Variants in ADCY2 observed in about 807,000 individuals in gnomAD.
ADCY2 encodes adenylate cyclase 2, also known as adenylate cyclase type 2.
In ADCY2, 31 loss-of-function variants were observed where a neutral mutation model predicts 125.2. The ratio of observed to expected loss-of-function variants is 0.25; its 90% CI spans 0.19 to 0.33. ADCY2 has a LOEUF of 0.33. Among genes scored for constraint, ADCY2 ranks in the 10% least tolerant of loss-of-function variants. The pLI, the probability that ADCY2 is intolerant of heterozygous loss-of-function variation, is 1.00. For missense variants in ADCY2, 904 were observed against 1,418.2 expected, an observed-to-expected ratio of 0.64 and a Z score of 5.82; for synonymous variants, 512 against 548.4, an observed-to-expected ratio of 0.93 and a Z score of 0.93.
At chr5:7,557,182 T>TATATGTGATATATAGA (rs56204377) in intron 3 of ADCY2, among the ~76,000 whole-genome samples, 5 of 144,926 alleles carry the variant, frequency 3.5e-5, no homozygotes, top group Admixed American at 2.0e-4. Context: ...ATCACACATA[T>TATATGTGATATATAGA]TATATATGTG....
At chr5:7,433,698 T>C (rs984701384) in intron 2 of ADCY2, among the ~76,000 whole-genome samples, 1 of 152,050 alleles carries the variant, frequency 6.6e-6, no homozygotes, top group African/African-American at 2.4e-5. Flanking sequence ...AATAATAGAA[T>C]TGAATTGTAT....
intron 24 of ADCY2, 124 bp from the exon 25 acceptor site, chr5:7,826,595 T>C (rs766683034): frequency 7.9e-7 from 1 of 1,263,718 alleles, no homozygotes; most frequent in African/African-American, 1.5e-5. Context: ...TTCTACTAAC[T>C]TCTCAGGAGT....
chr5:7,805,134 AGTGAAACCCC>A (rs1744717198), intron 22 of ADCY2, among the ~76,000 whole-genome samples: 1 of 151,172 alleles, frequency 6.6e-6, no homozygotes, highest in Non-Finnish European at 1.5e-5. Context: ...TGGGCAACAT[AGTGAAACCCC>A]GTCTTTACCA....
intron 2 of ADCY2, among the ~76,000 whole-genome samples, chr5:7,466,205 TA>T (rs900087960): frequency 6.6e-6 from 1 of 152,240 alleles, no homozygotes; most frequent in Non-Finnish European, 1.5e-5. Context: ...ATATCTTATA[TA>T]TTTTTTTCTT....
chr5:7,490,226 T>C (rs1399548312), intron 2 of ADCY2, among the ~76,000 whole-genome samples: 1 of 152,256 alleles, frequency 6.6e-6, no homozygotes, highest in East Asian at 1.9e-4. Flanking sequence ...TAAGAATAGC[T>C]TCTATAAGCG....
chr5:7,625,527 A>T (rs1738089906), intron 3 of ADCY2, among the ~76,000 whole-genome samples: 1 of 152,204 alleles, frequency 6.6e-6, no homozygotes, highest in African/African-American at 2.4e-5. Context: ...AAATTATATG[A>T]ACATGAATTG....
chr5:7,396,369 G>T lies in ADCY2; in HGVS notation c.73G>T (p.Gly25Trp). 2.6e-6 allele frequency: 4 copies of T among 1,555,370 alleles called. No individual in the cohort carries two copies. The highest frequency in any genetic ancestry group is 1.4e-5 in the African/African-American group (1 of 70,372). The stretch of plus-strand genomic sequence containing the variant: ...CGAGGAGGCGGCGGGCGGCGGAGAC[G>T]GGCTGCCGCGGTCCCGGGACTGGCT... ...RSEEAAGGGD[G>W]LPRSRDWLYE... The change falls in exon 1 of 25, where the codon GGG becomes TGG. Residue 25 changes from glycine to tryptophan, a missense_variant. Physicochemically the swap from Gly to Trp is radical, Grantham distance 184 (BLOSUM62 -2). This residue lies in a region of ADCY2 where 113 missense variants were observed against 108.0 expected (regional missense o/e 1.05). Coordinates refer to ENST00000338316, the MANE Select transcript of ADCY2 (RefSeq NM_020546.3). The surrounding 1 kb of genome is among the most constrained non-coding windows in gnomAD (Gnocchi z 5.7).
At chr5:7,716,084 T>C (rs1017486956) in intron 11 of ADCY2, among the ~76,000 whole-genome samples, 5 of 152,172 alleles carry the variant, frequency 3.3e-5, no homozygotes, top group African/African-American at 1.2e-4. Flanking sequence ...CTCATGCAAA[T>C]TGTCAAATTA....
At chr5:7,730,828 G>C (rs749485631) in intron 14 of ADCY2, among the ~76,000 whole-genome samples, 7 of 33,794 alleles carry the variant, frequency 2.1e-4, no homozygotes, top group Admixed American at 5.2e-4. Context: ...TTTGCTTGGG[G>C]GTCGGGGGGC....
chr5:7,474,499 G>C (rs1027195889), intron 2 of ADCY2, among the ~76,000 whole-genome samples: 1 of 152,202 alleles, frequency 6.6e-6, no homozygotes, highest in African/African-American at 2.4e-5. Flanking sequence ...AAATCTGAAG[G>C]CTGAAAAGAA....
At chr5:7,440,482 G>C (rs1474341538) in intron 2 of ADCY2, among the ~76,000 whole-genome samples, 1 of 152,144 alleles carries the variant, frequency 6.6e-6, no homozygotes, top group African/African-American at 2.4e-5. Context: ...TTTTGCAGAT[G>C]AATGATTAAC....
At chr5:7,505,359 C>T (rs545980394) in intron 2 of ADCY2, among the ~76,000 whole-genome samples, 2 of 152,252 alleles carry the variant, frequency 1.3e-5, no homozygotes, top group East Asian at 1.9e-4. Context: ...GACCACGTCC[C>T]GTGCAAATCA....
chr5:7,418,979 A>G (rs1450714181), intron 2 of ADCY2, among the ~76,000 whole-genome samples: 1 of 152,040 alleles, frequency 6.6e-6, no homozygotes. Flanking sequence ...CAGACTTCAT[A>G]TATGTATACC....
At chr5:7,571,377 C>T (rs1041931734) in intron 3 of ADCY2, among the ~76,000 whole-genome samples, 8 of 152,154 alleles carry the variant, frequency 5.3e-5, no homozygotes, top group African/African-American at 1.9e-4. Flanking sequence ...AGAAGATGGA[C>T]ATTTCAGCTC....
Position 7,709,362 on chromosome 5 carries a change from C to A in ADCY2, c.1553C>A (p.Thr518Lys). The A allele has an allele frequency of 6.2e-7, 1 of 1,608,090 alleles. No individual in the cohort carries two copies. The highest frequency in any genetic ancestry group is 8.5e-7 in the Non-Finnish European group (1 of 1,177,322). The stretch of plus-strand genomic sequence containing the variant: ...CTACATCACAGGGACAGCATGACCA[C>A]AGAGAACGGCAAGATCAGCACCACG... ...AHLHHRDSMTTENGKISTTDV... is the reference protein window; with the variant it reads ...AHLHHRDSMTKENGKISTTDV... The change falls in exon 10 of 25, where the codon ACA (threonine) becomes AAA (lysine). Residue 518 changes from threonine to lysine, a missense_variant. This residue lies in a region of ADCY2 where 144 missense variants were observed against 227.7 expected (regional missense o/e 0.63). Coordinates refer to ENST00000338316, the MANE Select transcript of ADCY2 (RefSeq NM_020546.3). This position sits in a 1 kb window ranked among gnomAD's most constrained non-coding sequence, Gnocchi z 4.4.
chr5:7,429,573 A>G (rs897108995), intron 2 of ADCY2, among the ~76,000 whole-genome samples: 8 of 152,390 alleles, frequency 5.2e-5, no homozygotes, highest in East Asian at 1.9e-4. Flanking sequence ...TGCTTTGGGC[A>G]TAATGGACTT....
chr5:7,399,070 C>A (rs1481961403), intron 1 of ADCY2, among the ~76,000 whole-genome samples: 8 of 152,216 alleles, frequency 5.3e-5, no homozygotes, highest in Admixed American at 2.0e-4. Context: ...TGCTTTGGGA[C>A]CCTGCCAAGG....
In ADCY2 at chr5:7,829,106, AG is replaced by A. The variant is rs1192557841; in HGVS notation, c.*2237del. 6.6e-6 allele frequency: 1 copy of A among 152,352 alleles called. No homozygotes were observed. The highest frequency in any genetic ancestry group is 1.5e-5 in the Non-Finnish European group (1 of 68,058). The allele number at this position is 152,352 out of a possible 1,614,324, so 9.4% of individuals were successfully genotyped here. A position where few individuals can be genotyped will look rare whatever the true frequency, so the allele number is the denominator to read the frequency against. On this transcript the variant is annotated 3_prime_UTR_variant, in exon 25 of 25. Coordinates refer to ENST00000338316, the MANE Select transcript of ADCY2 (RefSeq NM_020546.3). ...GCTCTGTGTGTACCTGGTCCCTTCT[AG>A]GTGTGGTCCCATAGGAGCAGCCTTA...
intron 5 of ADCY2, among the ~76,000 whole-genome samples, chr5:7,695,399 T>C (rs140268491): frequency 6.6e-6 from 1 of 152,368 alleles, no homozygotes; most frequent in East Asian, 1.9e-4. Flanking sequence ...CAGGAAGATA[T>C]TCCATGTCTG....
Sources: allele counts gnomAD v4.1 joint callset (sites outside exome capture counted in the v4.1 genomes callset), GRCh38; gene constraint gnomAD v4.1.1; regional missense constraint gnomAD v4.1.1; non-coding constraint Gnocchi (gnomAD v3.1); transcripts MANE v1.5; gene names NCBI Gene and HGNC (gene_info 2026-07-23, HGNC 2026-07-21).